GRM7: variants seen among roughly 807,000 people sequenced by gnomAD.
The protein encoded by GRM7 is glutamate metabotropic receptor 7.
In GRM7, 35 loss-of-function variants were observed where a neutral mutation model predicts 84.5. The observed-to-expected ratio is 0.41, with a 90% CI of 0.32 to 0.55. GRM7 has a LOEUF of 0.55. GRM7 is among the 20% of genes least tolerant of loss of function. The pLI, the probability that GRM7 is intolerant of heterozygous loss-of-function variation, is 0.19. For synonymous variants in GRM7, 487 were observed against 455.1 expected, an observed-to-expected ratio of 1.07 and a Z score of -0.89; for missense variants, 1,003 against 1,194.6, an observed-to-expected ratio of 0.84 and a Z score of 2.36.
At chr3:7,233,322 A>C (rs929026039) in intron 2 of GRM7, among the ~76,000 whole-genome samples, 8 of 152,130 alleles carry the variant, frequency 5.3e-5, no homozygotes, top group Admixed American at 5.2e-4. Context: ...AGTTTCTCTA[A>C]ATGGGCATTT....
intron 1 of GRM7, among the ~76,000 whole-genome samples, chr3:7,130,465 C>T (rs1248077509): frequency 1.3e-5 from 2 of 151,516 alleles, no homozygotes; most frequent in Non-Finnish European, 2.9e-5. Flanking sequence ...GTCATGTAAA[C>T]CCGGGAGGTG....
At chr3:7,017,279 CA>C (rs147028200) in intron 1 of GRM7, among the ~76,000 whole-genome samples, 3,136 of 152,216 alleles carry the variant, frequency 0.021, 97 homozygotes, top group African/African-American at 0.069. Flanking sequence ...AAGAACCAGT[CA>C]GACTTTAAAA....
intron 1 of GRM7, among the ~76,000 whole-genome samples, chr3:7,053,679 T>C (rs913106311): frequency 1.3e-5 from 2 of 151,674 alleles, no homozygotes; most frequent in Admixed American, 1.3e-4. Flanking sequence ...TGACCTTGTA[T>C]GAAGGCTTTT....
chr3:7,422,442 G>A (rs1225727058), intron 5 of GRM7, among the ~76,000 whole-genome samples: 1 of 152,192 alleles, frequency 6.6e-6, no homozygotes, highest in African/African-American at 2.4e-5. Flanking sequence ...ACAGCCACAT[G>A]TGCCTAGTGG....
chr3:7,512,850 G>C (rs1461097381), intron 7 of GRM7, among the ~76,000 whole-genome samples: 1 of 152,128 alleles, frequency 6.6e-6, no homozygotes, highest in East Asian at 1.9e-4. Flanking sequence ...ACAAGGAGGT[G>C]ACCAGTCTGG....
rs999439216 is a variant in GRM7, at chr3:7,266,146, A to G, written c.737-32538A>G. ...TATTTCTCACCATGATGAAATGAAC[A>G]AATGAAGGTACAATAATACAGTAGG... On this transcript the variant is annotated intron_variant, in intron 2 of 9. Transcript: ENST00000357716. Among the ~76,000 whole-genome samples, 29 of 152,198 alleles carry G rather than the reference A, an allele frequency of 1.9e-4. 1 individual carries two copies. The highest frequency in any genetic ancestry group is 7.0e-4 in the African/African-American group (29 of 41,438).
chr3:7,011,417 T>C (rs1017441233), intron 1 of GRM7, among the ~76,000 whole-genome samples: 16 of 139,248 alleles, frequency 1.1e-4, no homozygotes, highest in African/African-American at 3.7e-4. Context: ...TTTAAGTTTA[T>C]ATGCTCATGT....
intron 1 of GRM7, among the ~76,000 whole-genome samples, chr3:7,094,419 A>G (rs1698782555): frequency 6.6e-6 from 1 of 152,182 alleles, no homozygotes; most frequent in Non-Finnish European, 1.5e-5. Context: ...GGAACAAGGA[A>G]TAACAGCAAG....
Position 7,579,103 on chromosome 3 carries a change from GAT to G in GRM7, c.2198_2199del (p.Asp733GlyfsTer8). Reference sequence around the variant, plus strand: ...TCCACCCAACATCATCATAGACTATGATGAACACAAGACAATGAACCCTGAGC... The same window carrying G: ...TCCACCCAACATCATCATAGACTATGGAACACAAGACAATGAACCCTGAGC... ...VDPPNIIIDY[D>X]EHKTMNPEQA... On this transcript the variant is annotated frameshift_variant, in exon 8 of 10. Transcript: ENST00000357716. LOFTEE classifies it high-confidence loss of function. The G allele has an allele frequency of 1.2e-6, 2 of 1,613,838 alleles. No individual in the cohort carries two copies. The highest frequency in any genetic ancestry group is 1.7e-6 in the Non-Finnish European group (2 of 1,179,862).
At chr3:7,437,694 C>A (rs536678491) in intron 5 of GRM7, among the ~76,000 whole-genome samples, 2 of 151,886 alleles carry the variant, frequency 1.3e-5, no homozygotes, top group Non-Finnish European at 2.9e-5. Context: ...TTTGCTTCTT[C>A]TTTCCTTTTC....
At chr3:7,250,724 A>G (rs1286954353) in intron 2 of GRM7, among the ~76,000 whole-genome samples, 5 of 152,070 alleles carry the variant, frequency 3.3e-5, no homozygotes, top group Middle Eastern at 3.2e-3. Flanking sequence ...GGGCTTTGCC[A>G]TGTTGGCCAG....
At chr3:7,553,724 A>G (rs972933284) in intron 7 of GRM7, among the ~76,000 whole-genome samples, 3 of 152,196 alleles carry the variant, frequency 2.0e-5, no homozygotes, top group Admixed American at 6.5e-5. Flanking sequence ...TCCTGAGAAC[A>G]GCATGGGGGA....
At chr3:6,904,998 C>T (rs796578104) in intron 1 of GRM7, among the ~76,000 whole-genome samples, 1 of 152,126 alleles carries the variant, frequency 6.6e-6, no homozygotes, top group Admixed American at 6.6e-5. Flanking sequence ...GGATTAGAGG[C>T]ACAAGCTATC....
chr3:6,992,014 G>T (rs2324046), intron 1 of GRM7, among the ~76,000 whole-genome samples: 48,553 of 151,616 alleles, frequency 0.32, 8,056 homozygotes, highest in Non-Finnish European at 0.37. Context: ...CTGCCACAGA[G>T]AAGTCACGTA....
At chr3:7,284,285 C>CGTGTGT (rs138776968) in intron 2 of GRM7, among the ~76,000 whole-genome samples, 10,557 of 131,040 alleles carry the variant, frequency 0.081, 523 homozygotes, top group African/African-American at 0.14. Flanking sequence ...CATGCTCACT[C>CGTGTGT]GTGTGTGTGT....
intron 1 of GRM7, among the ~76,000 whole-genome samples, chr3:7,141,692 C>T (rs145578824): frequency 3.1e-3 from 470 of 151,142 alleles, no homozygotes; most frequent in South Asian, 0.01. Flanking sequence ...ATACTCTAAG[C>T]TCATAACAGC....
intron 4 of GRM7, among the ~76,000 whole-genome samples, chr3:7,365,054 T>G (rs1022770360): frequency 3.9e-5 from 6 of 151,914 alleles, no homozygotes; most frequent in Non-Finnish European, 8.8e-5. Flanking sequence ...AAATCAGTGT[T>G]AACAGATGAC....
intron 1 of GRM7, among the ~76,000 whole-genome samples, chr3:6,943,503 G>A (rs889172760): frequency 6.6e-6 from 1 of 152,014 alleles, no homozygotes; most frequent in African/African-American, 2.4e-5. Context: ...TCTGTTGCCA[G>A]TGTATGTATA....
At chr3:7,690,277 T>A (rs1354404) in intron 9 of GRM7, among the ~76,000 whole-genome samples, 6 of 151,966 alleles carry the variant, frequency 3.9e-5, no homozygotes, top group Non-Finnish European at 8.8e-5. Flanking sequence ...TACTAGGCTG[T>A]GAGAAAATGT....
Sources: gnomAD v4.1 joint callset for allele counts (sites outside exome capture counted in the v4.1 genomes callset) on GRCh38, gnomAD v4.1.1 for gene constraint, MANE v1.5 for transcripts, NCBI Gene and HGNC (gene_info 2026-07-23, HGNC 2026-07-21) for gene names.